Variants in DPYD observed in about 807,000 individuals in gnomAD.
DPYD encodes dihydropyrimidine dehydrogenase, also known as dihydropyrimidine dehydrogenase [NADP(+)].
DPYD carries 109 observed loss-of-function variants against 116.2 expected under a neutral mutation model. That is an observed-to-expected ratio of 0.94 (90% CI 0.80 to 1.10). The LOEUF is 1.10. Ranked by LOEUF, DPYD falls within the 50% of genes least tolerant of loss-of-function variation. DPYD has a pLI of 0.00. For synonymous variants in DPYD, 440 were observed against 432.0 expected, an observed-to-expected ratio of 1.02 and a Z score of -0.23; for missense variants, 1,302 against 1,254.5, an observed-to-expected ratio of 1.04 and a Z score of -0.57.
Position 97,358,143 on chromosome 1 carries a change from G to A in DPYD, c.2058+15418C>T, listed in dbSNP as rs549408763. Among the ~76,000 whole-genome samples, 15 of 152,354 alleles carry A rather than the reference G, an allele frequency of 9.8e-5. No homozygotes were observed. In the South Asian group the frequency reaches 3.1e-3, roughly 32 times the overall value. On this transcript the variant is annotated intron_variant, in intron 16 of 22. Transcript: ENST00000370192. The stretch of plus-strand genomic sequence containing the variant: ...GGTCTTAGCAAATGGCACACCAGGA[G>A]ATTATATCCTGCGCCTGGCTCAGTG...
intron 8 of DPYD, among the ~76,000 whole-genome samples, chr1:97,599,579 C>G (rs898114828): frequency 6.6e-6 from 1 of 151,946 alleles, no homozygotes; most frequent in Admixed American, 6.6e-5. Context: ...GCTTCCTGTC[C>G]TTGAAAGGAT....
At chr1:97,875,813 G>T (rs77821038) in intron 2 of DPYD, among the ~76,000 whole-genome samples, 2 of 151,902 alleles carry the variant, frequency 1.3e-5, no homozygotes, top group African/African-American at 4.8e-5. Flanking sequence ...AAATAAGAAA[G>T]CTATTGCCCA....
intron 8 of DPYD, among the ~76,000 whole-genome samples, chr1:97,606,397 G>T (rs1655603023): frequency 6.6e-6 from 1 of 151,924 alleles, no homozygotes; most frequent in Non-Finnish European, 1.5e-5. Flanking sequence ...AGGATGCATA[G>T]GTTACCACAG....
At chr1:97,290,580 T>A (rs1045994068) in intron 18 of DPYD, among the ~76,000 whole-genome samples, 13 of 152,054 alleles carry the variant, frequency 8.5e-5, no homozygotes, top group Non-Finnish European at 1.5e-4. Flanking sequence ...AAACAAGAAA[T>A]AGGGAAAGGA....
intron 14 of DPYD, among the ~76,000 whole-genome samples, chr1:97,437,374 T>C (rs1029319145): frequency 3.6e-4 from 54 of 151,946 alleles, no homozygotes; most frequent in Non-Finnish European, 4.1e-4. Flanking sequence ...GTGTGTATAA[T>C]AGTTCATTCT....
chr1:97,145,578 G>C (rs1654555497), intron 20 of DPYD, among the ~76,000 whole-genome samples: 2 of 152,114 alleles, frequency 1.3e-5, no homozygotes, highest in African/African-American at 4.8e-5. Context: ...TCACAAATTT[G>C]TCAAGTTGTT....
At chr1:97,199,607 A>G (rs1659065522) in intron 19 of DPYD, among the ~76,000 whole-genome samples, 1 of 151,402 alleles carries the variant, frequency 6.6e-6, no homozygotes, top group Non-Finnish European at 1.5e-5. Context: ...CATGGACCTT[A>G]TTTTTATTTG....
At chr1:97,691,535 T>C in intron 7 of DPYD, 182 bp downstream of exon 7, 2 of 564,748 alleles carry the variant, frequency 3.5e-6, no homozygotes, top group Admixed American at 3.0e-5. Context: ...TTTTCCAGGC[T>C]AGTGGCATTC....
At chr1:97,212,591 G>A (rs1289864301) in intron 19 of DPYD, among the ~76,000 whole-genome samples, 1 of 152,072 alleles carries the variant, frequency 6.6e-6, no homozygotes, top group Non-Finnish European at 1.5e-5. Flanking sequence ...ATGATGTGGA[G>A]TGGAATTTCC....
At chr1:97,211,643 A>T (rs921499477) in intron 19 of DPYD, among the ~76,000 whole-genome samples, 1 of 152,140 alleles carries the variant, frequency 6.6e-6, no homozygotes, top group Non-Finnish European at 1.5e-5. Flanking sequence ...TGCAACATTC[A>T]TAAACATTTA....
chr1:97,746,059 A>G (rs1664533146), intron 3 of DPYD, among the ~76,000 whole-genome samples: 1 of 152,142 alleles, frequency 6.6e-6, no homozygotes, highest in Non-Finnish European at 1.5e-5. Flanking sequence ...TCTCAAGTCC[A>G]GATGAAAAGG....
intron 14 of DPYD, among the ~76,000 whole-genome samples, chr1:97,411,609 T>C (rs79593470): frequency 0.04 from 6,142 of 152,288 alleles, 160 homozygotes; most frequent in East Asian, 0.069. Context: ...TCATTTATCA[T>C]TGAATACTCA....
chr1:97,239,134 T>A (rs181556173), intron 18 of DPYD, among the ~76,000 whole-genome samples: 83 of 152,304 alleles, frequency 5.4e-4, no homozygotes, highest in Admixed American at 1.5e-3. Flanking sequence ...GTAGTCATAA[T>A]TTAAAATACA....
At chr1:97,196,777 A>G (rs1658842372) in intron 19 of DPYD, among the ~76,000 whole-genome samples, 1 of 152,310 alleles carries the variant, frequency 6.6e-6, no homozygotes, top group African/African-American at 2.4e-5. Context: ...CTGGCCATAC[A>G]ATAGAATATG....
At chr1:97,760,038 T>C (rs932270921) in intron 3 of DPYD, among the ~76,000 whole-genome samples, 29 of 152,142 alleles carry the variant, frequency 1.9e-4, no homozygotes, top group Non-Finnish European at 3.7e-4. Flanking sequence ...TAAAGAACGA[T>C]GTCTTCAACA....
At chr1:97,394,538 T>G (rs1236031190) in intron 14 of DPYD, 8 of 152,094 alleles carry the variant, frequency 5.3e-5, no homozygotes, top group South Asian at 2.1e-4. Context: ...AACAATAATA[T>G]CAAAGATCAC....
At chr1:97,788,030 G>A (rs79806559) in intron 3 of DPYD, among the ~76,000 whole-genome samples, 95 of 152,300 alleles carry the variant, frequency 6.2e-4, no homozygotes, top group African/African-American at 2.3e-3. Flanking sequence ...TTACTTCAAA[G>A]ATGGTGCCAA....
intron 18 of DPYD, among the ~76,000 whole-genome samples, chr1:97,290,708 C>T (rs1485663363): frequency 1.3e-5 from 2 of 151,792 alleles, no homozygotes; most frequent in African/African-American, 4.8e-5. Context: ...AAGACTTAAA[C>T]GTTAGACCTA....
intron 20 of DPYD, among the ~76,000 whole-genome samples, chr1:97,173,686 G>T (rs1057092807): frequency 6.0e-5 from 9 of 150,528 alleles, no homozygotes; most frequent in African/African-American, 2.2e-4. Context: ...TTATTTAAAT[G>T]ATTAAAATCC....
Sources: gnomAD v4.1 joint callset for allele counts (sites outside exome capture counted in the v4.1 genomes callset) on GRCh38, gnomAD v4.1.1 for gene constraint, MANE v1.5 for transcripts, NCBI Gene and HGNC (gene_info 2026-07-23, HGNC 2026-07-21) for gene names.